Variants in PDE3A observed in about 807,000 individuals in gnomAD.
The protein encoded by PDE3A is cGMP-inhibited 3',5'-cyclic phosphodiesterase 3A.
Under a neutral mutation model 98.3 loss-of-function variants are expected in PDE3A, and 43 were observed. The ratio of observed to expected loss-of-function variants is 0.44; its 90% CI spans 0.34 to 0.56. The LOEUF is 0.56. PDE3A is among the 20% of genes least tolerant of loss of function. The pLI, the probability that PDE3A is intolerant of heterozygous loss-of-function variation, is 0.01. For synonymous variants in PDE3A, 663 were observed against 567.9 expected (o/e 1.17, Z -2.38); for missense variants, 1,427 against 1,440.7 (o/e 0.99, Z 0.15).
At chr12:20,471,021 T>A (rs1182862617) in intron 1 of PDE3A, among the ~76,000 whole-genome samples, 6 of 152,106 alleles carry the variant, frequency 3.9e-5, no homozygotes, top group Non-Finnish European at 4.4e-5. Flanking sequence ...ACACCATCCA[T>A]GCTGCCACCT....
chr12:20,533,866 C>T (rs986412501), intron 1 of PDE3A, among the ~76,000 whole-genome samples: 6 of 152,146 alleles, frequency 3.9e-5, no homozygotes, highest in Admixed American at 3.3e-4. Context: ...TATACATTTA[C>T]TAAATTCTTA....
chr12:20,672,048 C>T (rs1444387501), intron 15 of PDE3A, among the ~76,000 whole-genome samples: 1 of 151,774 alleles, frequency 6.6e-6, no homozygotes, highest in Non-Finnish European at 1.5e-5. Context: ...CATTCTTATA[C>T]ACCAACAGAC....
intron 1 of PDE3A, among the ~76,000 whole-genome samples, chr12:20,410,431 T>C (rs1249347792): frequency 6.6e-6 from 1 of 152,200 alleles, no homozygotes; most frequent in Non-Finnish European, 1.5e-5. Flanking sequence ...CTGTTCTTTC[T>C]GCTAGTGTGG....
chr12:20,534,593 T>C (rs1941706130), intron 1 of PDE3A, among the ~76,000 whole-genome samples: 1 of 152,192 alleles, frequency 6.6e-6, no homozygotes, highest in Non-Finnish European at 1.5e-5. Context: ...TCTGTGTAAT[T>C]AAAAATATTG....
At chr12:20,385,000 AC>A (rs764543801) in intron 1 of PDE3A, among the ~76,000 whole-genome samples, 53 of 152,124 alleles carry the variant, frequency 3.5e-4, no homozygotes, top group Middle Eastern at 3.4e-3. Context: ...ATAAACATGC[AC>A]GTATTTTTAT....
rs553312228 is a variant in PDE3A at position 20,684,918 on chromosome 12, C to A, written c.*4647C>A. On this transcript the variant is annotated 3_prime_UTR_variant, in exon 16 of 16. Transcript: ENST00000359062. ...GTGTGTTTCACACCAAAGACCCATG[C>A]TCAGAGAATGGTAACATATTTTCCA... Among the ~76,000 whole-genome samples, 1 of 152,288 alleles carries A rather than the reference C, an allele frequency of 6.6e-6. No homozygotes were observed.
rs1202237939 is a variant in PDE3A at position 20,643,492 on chromosome 12, T to A, written c.2252-2998T>A. 3.3e-5 allele frequency among the ~76,000 whole-genome samples: 5 copies of A among 152,178 alleles called. No individual in the cohort carries two copies. The East Asian group carries it at 9.6e-4, about 29-fold the overall frequency. ...AGTGAATATTTGATTAATAAACATG[T>A]CACTGACTGCTAACAGGACAGATGG... On this transcript the variant is annotated intron_variant, in intron 10 of 15. Transcript: ENST00000359062.
At chr12:20,447,218 G>A (rs894236967) in intron 1 of PDE3A, among the ~76,000 whole-genome samples, 1 of 152,164 alleles carries the variant, frequency 6.6e-6, no homozygotes, top group African/African-American at 2.4e-5. Flanking sequence ...GGTGGTAGGA[G>A]GATATTCTTA....
At chr12:20,451,504 C>A (rs928629876) in intron 1 of PDE3A, among the ~76,000 whole-genome samples, 5 of 152,132 alleles carry the variant, frequency 3.3e-5, no homozygotes, top group Non-Finnish European at 7.4e-5. Flanking sequence ...AAACTCCTGG[C>A]CTCAAGTGAT....
chr12:20,504,941 T>A (rs1043493543), intron 1 of PDE3A, among the ~76,000 whole-genome samples: 7 of 152,198 alleles, frequency 4.6e-5, no homozygotes, highest in African/African-American at 1.7e-4. Flanking sequence ...AACATGGACA[T>A]CTTTGGGGGC....
intron 1 of PDE3A, among the ~76,000 whole-genome samples, chr12:20,468,199 T>A (rs1168095723): frequency 6.6e-6 from 1 of 152,140 alleles, no homozygotes; most frequent in African/African-American, 2.4e-5. Flanking sequence ...TTCTGAGTCT[T>A]CCCTTTCATA....
intron 1 of PDE3A, among the ~76,000 whole-genome samples, chr12:20,392,284 G>C (rs1001289917): frequency 6.6e-6 from 1 of 151,870 alleles, no homozygotes; most frequent in African/African-American, 2.4e-5. Flanking sequence ...TGTATAGCTA[G>C]AACAGTGAAA....
intron 1 of PDE3A, among the ~76,000 whole-genome samples, chr12:20,503,726 T>C (rs1052013336): frequency 1.3e-5 from 2 of 152,106 alleles, no homozygotes; most frequent in South Asian, 4.1e-4. Context: ...TGTTTGATAG[T>C]TTTGCTTATT....
chr12:20,395,534 T>C (rs1943997958), intron 1 of PDE3A, among the ~76,000 whole-genome samples: 1 of 147,574 alleles, frequency 6.8e-6, no homozygotes, highest in Non-Finnish European at 1.5e-5. Flanking sequence ...ACACATAGTA[T>C]AATATGTATA....
At chr12:20,391,559 A>C (rs752203443) in intron 1 of PDE3A, among the ~76,000 whole-genome samples, 1 of 151,208 alleles carries the variant, frequency 6.6e-6, no homozygotes, top group Non-Finnish European at 1.5e-5. Flanking sequence ...ACTTGTGTTT[A>C]TATATCATAG....
intron 1 of PDE3A, chr12:20,450,120 A>C: frequency 2.2e-6 from 1 of 448,892 alleles, no homozygotes; most frequent in East Asian, 4.4e-5. Flanking sequence ...CCTTTCCCAG[A>C]ATGCATCGCA....
intron 1 of PDE3A, among the ~76,000 whole-genome samples, chr12:20,415,630 T>C (rs1243291685): frequency 6.6e-6 from 1 of 152,052 alleles, no homozygotes; most frequent in African/African-American, 2.4e-5. Context: ...AGAGACGGGG[T>C]TTCACCATGT....
At chr12:20,591,737 A>C (rs1340715187) in intron 2 of PDE3A, among the ~76,000 whole-genome samples, 2 of 152,238 alleles carry the variant, frequency 1.3e-5, no homozygotes. Flanking sequence ...GTTTCACAGA[A>C]CTTAGGCATT....
intron 1 of PDE3A, chr12:20,371,354 G>T (rs562410862): frequency 4.1e-6 from 4 of 985,248 alleles, no homozygotes; most frequent in Non-Finnish European, 3.6e-6. Context: ...TTTGACACTT[G>T]ATGGGGAGGA....
Sources: allele counts gnomAD v4.1 joint callset (sites outside exome capture counted in the v4.1 genomes callset), GRCh38; gene constraint gnomAD v4.1.1; transcripts MANE v1.5; gene names NCBI Gene and HGNC (gene_info 2026-07-23, HGNC 2026-07-21).